Variants in PKHD1 observed in about 807,000 individuals in gnomAD.
PKHD1 encodes the protein PKHD1 ciliary IPT domain containing fibrocystin/polyductin.
Under a neutral mutation model 412.0 loss-of-function variants are expected in PKHD1, and 291 were observed. The ratio of observed to expected loss-of-function variants is 0.71; its 90% CI spans 0.64 to 0.78. The LOEUF (loss-of-function observed/expected upper bound fraction) is 0.78. Among genes scored for constraint, PKHD1 ranks in the 30% least tolerant of loss-of-function variants. The pLI is 0.00. For synonymous variants in PKHD1, 1,777 were observed against 1,821.5 expected (o/e 0.98, Z 0.62); for missense variants, 4,825 against 4,950.7 (o/e 0.97, Z 0.76).
chr6:51,936,779 C>T (rs1787557219), intron 36 of PKHD1, among the ~76,000 whole-genome samples: 1 of 85,934 alleles, frequency 1.2e-5, no homozygotes, highest in Non-Finnish European at 2.2e-5. Flanking sequence ...GACATTAAGA[C>T]TGACAAAATA....
At chr6:51,702,731 A>G (rs1779593048) in intron 60 of PKHD1, among the ~76,000 whole-genome samples, 1 of 152,002 alleles carries the variant, frequency 6.6e-6, no homozygotes, top group Non-Finnish European at 1.5e-5. Flanking sequence ...GTACTTTAAA[A>G]TATCAAAATT....
At chr6:51,809,783 G>A (rs1323037799) in intron 52 of PKHD1, among the ~76,000 whole-genome samples, 2 of 151,390 alleles carry the variant, frequency 1.3e-5, no homozygotes, top group African/African-American at 4.8e-5. Context: ...TCTAATTAGT[G>A]ATTGCTATTA....
Position 51,883,232 on chromosome 6 carries a change from A to G in PKHD1, c.7216-5T>C, listed in dbSNP as rs761204394. On this transcript the variant is annotated splice_region_variant and splice_polypyrimidine_tract_variant and intron_variant, in intron 45 of 66. Coordinates refer to ENST00000371117, the MANE Select transcript of PKHD1 (RefSeq NM_138694.4). ...AAGATTGCTACTTCTAAAAATCTAT[A>G]AAATACAGCATGTTACAGCAAAGGT... 15 of 1,612,738 alleles carry G rather than the reference A, an allele frequency of 9.3e-6. No individual in the cohort carries two copies. The East Asian group carries it at 2.9e-4, about 31-fold the overall frequency.
intron 43 of PKHD1, among the ~76,000 whole-genome samples, chr6:51,887,649 T>C (rs1355496851): frequency 1.3e-5 from 2 of 152,178 alleles, no homozygotes; most frequent in African/African-American, 4.8e-5. Context: ...CTTGCCTCTG[T>C]TCCTGCCATG....
chr6:51,732,055 A>G (rs951588597), intron 60 of PKHD1, among the ~76,000 whole-genome samples: 1 of 152,170 alleles, frequency 6.6e-6, no homozygotes, highest in Non-Finnish European at 1.5e-5. Context: ...CACATAGTAT[A>G]AGAAACATAA....
chr6:51,980,128 G>T (rs1300467088), intron 35 of PKHD1, among the ~76,000 whole-genome samples: 3 of 152,148 alleles, frequency 2.0e-5, no homozygotes, highest in Non-Finnish European at 4.4e-5. Context: ...TCATGAATTA[G>T]ACCCATTTAT....
At chr6:52,007,094 A>T (rs1370437794) in intron 35 of PKHD1, among the ~76,000 whole-genome samples, 1 of 152,112 alleles carries the variant, frequency 6.6e-6, no homozygotes, top group Non-Finnish European at 1.5e-5. Flanking sequence ...TCGTTTCCTG[A>T]TGGGCATTTG....
chr6:52,066,642 C>T (rs1809748448), intron 11 of PKHD1, among the ~76,000 whole-genome samples: 1 of 152,140 alleles, frequency 6.6e-6, no homozygotes, highest in African/African-American at 2.4e-5. Context: ...CCTGTAATCC[C>T]AGAACTTTGG....
intron 45 of PKHD1, among the ~76,000 whole-genome samples, chr6:51,885,580 T>A (rs925849081): frequency 6.6e-6 from 1 of 152,196 alleles, no homozygotes; most frequent in African/African-American, 2.4e-5. Flanking sequence ...TGATCTCCCC[T>A]GATTATAAAT....
chr6:51,657,294 G>A (rs1242358187), intron 61 of PKHD1, among the ~76,000 whole-genome samples: 1 of 151,922 alleles, frequency 6.6e-6, no homozygotes, highest in East Asian at 1.9e-4. Context: ...TTAGGGTTTT[G>A]TTTCATTTTG....
chr6:51,842,933 C>T (rs1445989372), intron 50 of PKHD1, among the ~76,000 whole-genome samples: 1 of 152,204 alleles, frequency 6.6e-6, no homozygotes, highest in Non-Finnish European at 1.5e-5. Context: ...AAGCCAAGAA[C>T]AAATGAGGCA....
At chr6:51,987,521 G>A (rs1426060892) in intron 35 of PKHD1, among the ~76,000 whole-genome samples, 4 of 152,162 alleles carry the variant, frequency 2.6e-5, no homozygotes, top group Admixed American at 6.5e-5. Context: ...TGGAACCAAG[G>A]CTTTGAGAAT....
intron 53 of PKHD1, among the ~76,000 whole-genome samples, chr6:51,784,711 T>C (rs1431048595): frequency 6.6e-6 from 1 of 152,156 alleles, no homozygotes; most frequent in Admixed American, 6.6e-5. Flanking sequence ...ATAAACTCAC[T>C]ACTATTCACT....
At chr6:52,062,414 T>C in intron 14 of PKHD1, 105 bp downstream of exon 14, 2 of 1,193,868 alleles carry the variant, frequency 1.7e-6, no homozygotes, top group South Asian at 2.4e-5. Flanking sequence ...TTGGCTAGTG[T>C]TATAAATTCC....
At chr6:52,085,628 G>A (rs762264896) in intron 1 of PKHD1, among the ~76,000 whole-genome samples, 2 of 152,096 alleles carry the variant, frequency 1.3e-5, no homozygotes, top group Non-Finnish European at 2.9e-5. Flanking sequence ...TCTAACTTCC[G>A]TGCTGTAGAG....
chr6:51,805,288 A>G (rs1582796706), intron 52 of PKHD1, among the ~76,000 whole-genome samples: 2 of 152,192 alleles, frequency 1.3e-5, no homozygotes, highest in East Asian at 3.9e-4. Context: ...ACAGAAAACT[A>G]AATACTACAT....
chr6:51,999,629 A>T (rs953257524), intron 35 of PKHD1, among the ~76,000 whole-genome samples: 18 of 152,228 alleles, frequency 1.2e-4, no homozygotes, highest in Non-Finnish European at 2.5e-4. Context: ...GGCTGAATCA[A>T]CAAGAATTAA....
intron 60 of PKHD1, among the ~76,000 whole-genome samples, chr6:51,714,164 GT>G (rs1164179553): frequency 2.0e-5 from 3 of 152,114 alleles, no homozygotes; most frequent in Non-Finnish European, 4.4e-5. Flanking sequence ...GAGATCAGGA[GT>G]TCGAGACCAG....
intron 64 of PKHD1, 86 bp downstream of exon 64, chr6:51,638,763 G>C: frequency 2.5e-6 from 2 of 806,286 alleles, no homozygotes; most frequent in East Asian, 2.4e-5. Flanking sequence ...CATGATAGTA[G>C]CTATTCCCAC....
Sources: allele counts gnomAD v4.1 joint callset (sites outside exome capture counted in the v4.1 genomes callset), GRCh38; gene constraint gnomAD v4.1.1; transcripts MANE v1.5; gene names NCBI Gene and HGNC (gene_info 2026-07-23, HGNC 2026-07-21).